LRRC3B: variants seen among roughly 807,000 people sequenced by gnomAD.
LRRC3B encodes the protein leucine-rich repeat-containing protein 3B.
LRRC3B carries 2 observed loss-of-function variants against 12.8 expected under a neutral mutation model. The observed-to-expected ratio is 0.16, with a 90% confidence interval of 0.06 to 0.49. The LOEUF is 0.49. Among genes scored for constraint, LRRC3B ranks in the 20% least tolerant of loss-of-function variants. The pLI is 0.96. For missense variants in LRRC3B, 189 were observed against 319.4 expected (o/e 0.59, Z 3.11); for synonymous variants, 132 against 122.0 (o/e 1.08, Z -0.54).
At chr3:26,698,357 T>A (rs1406317074) in intron 1 of LRRC3B, among the ~76,000 whole-genome samples, 1 of 152,172 alleles carries the variant, frequency 6.6e-6, no homozygotes, top group Non-Finnish European at 1.5e-5. Flanking sequence ...TATTGGCCAA[T>A]TAAAACCAAG....
intron 1 of LRRC3B, among the ~76,000 whole-genome samples, chr3:26,630,905 C>G (rs1430489816): frequency 1.3e-5 from 2 of 152,124 alleles, no homozygotes; most frequent in East Asian, 3.9e-4. Flanking sequence ...AGGTATAAAT[C>G]AGGACAGGCC....
chr3:26,650,089 CTA>C (rs1242595499), intron 1 of LRRC3B, among the ~76,000 whole-genome samples: 2 of 152,176 alleles, frequency 1.3e-5, no homozygotes, highest in South Asian at 2.1e-4. Flanking sequence ...GCCTATATTT[CTA>C]TGTTTTCTCT....
intron 1 of LRRC3B, among the ~76,000 whole-genome samples, chr3:26,685,523 C>CTCTCTCTCTATATATA (rs1200535225): frequency 2.6e-5 from 1 of 38,320 alleles, no homozygotes; most frequent in African/African-American, 1.3e-4. Context: ...CTCTCTCTCT[C>CTCTCTCTCTATATATA]TATATATATA....
At chr3:26,706,756 C>G (rs1322571490) in intron 1 of LRRC3B, among the ~76,000 whole-genome samples, 3 of 152,164 alleles carry the variant, frequency 2.0e-5, no homozygotes, top group Non-Finnish European at 4.4e-5. Context: ...AGGAAGAGTT[C>G]CATTCTTCTT....
intron 1 of LRRC3B, among the ~76,000 whole-genome samples, chr3:26,685,523 CTATATATA>C (rs57407254): frequency 0.051 from 1,936 of 38,094 alleles, 52 homozygotes; most frequent in Middle Eastern, 0.1. Context: ...CTCTCTCTCT[CTATATATA>C]TATATATATA....
intron 1 of LRRC3B, among the ~76,000 whole-genome samples, chr3:26,702,779 C>G (rs974518933): frequency 6.6e-6 from 1 of 151,932 alleles, no homozygotes. Flanking sequence ...TGTTGGAGAT[C>G]TGAATTAGGA....
intron 1 of LRRC3B, among the ~76,000 whole-genome samples, chr3:26,636,452 G>A (rs902320352): frequency 6.6e-6 from 1 of 152,174 alleles, no homozygotes; most frequent in Admixed American, 6.5e-5. Context: ...TCCTCAAGAT[G>A]CTATTCATCT....
At chr3:26,687,012 G>C (rs1243124136) in intron 1 of LRRC3B, among the ~76,000 whole-genome samples, 1 of 152,138 alleles carries the variant, frequency 6.6e-6, no homozygotes, top group Non-Finnish European at 1.5e-5. Context: ...AAAGCTCTCT[G>C]CTGCCAACAC....
At chr3:26,651,174 A>T (rs1699257537) in intron 1 of LRRC3B, among the ~76,000 whole-genome samples, 1 of 152,216 alleles carries the variant, frequency 6.6e-6, no homozygotes, top group Non-Finnish European at 1.5e-5. Context: ...GTTAAAAATG[A>T]CTTACTCTGA....
At position 26,710,332 on chromosome 3, in the gene LRRC3B, T is replaced by TA. The variant is rs768003823; in HGVS notation, c.660_661insA (p.Val221SerfsTer31). 1 of 1,614,046 alleles carries TA rather than the reference T, an allele frequency of 6.2e-7. No homozygotes were observed. The highest frequency in any genetic ancestry group is 8.5e-7 in the Non-Finnish European group (1 of 1,179,994). ...GCTGGTTCACTATGGTGATCTCATATGTGGTATATTATGTGAGGCAAAATC... is the reference window on the plus strand; with the variant it reads ...GCTGGTTCACTATGGTGATCTCATATAGTGGTATATTATGTGAGGCAAAATC... On this transcript the variant is annotated frameshift_variant, in exon 2 of 2. Transcript: ENST00000396641. LOFTEE classifies it high-confidence loss of function.
At chr3:26,691,790 A>G (rs1304219756) in intron 1 of LRRC3B, among the ~76,000 whole-genome samples, 1 of 152,232 alleles carries the variant, frequency 6.6e-6, no homozygotes, top group Non-Finnish European at 1.5e-5. Flanking sequence ...TTTTGCAGAC[A>G]TAATATTGGG....
At chr3:26,701,388 C>T (rs1041787791) in intron 1 of LRRC3B, 2 of 152,140 alleles carry the variant, frequency 1.3e-5, no homozygotes, top group African/African-American at 4.8e-5. Flanking sequence ...CATACCCTCC[C>T]CCCATGTGGC....
intron 1 of LRRC3B, among the ~76,000 whole-genome samples, chr3:26,672,620 C>T (rs531296939): frequency 2.6e-5 from 4 of 152,258 alleles, no homozygotes; most frequent in South Asian, 4.1e-4. Flanking sequence ...TATTGTTAAA[C>T]GTAAAATCTC....
In LRRC3B at chr3:26,673,640, G is replaced by T. The variant is rs149573539; in HGVS notation, c.-160-35873G>T. On this transcript the variant is annotated intron_variant, in intron 1 of 1. Coordinates refer to ENST00000396641, the Ensembl canonical transcript of LRRC3B. ...TGACATAGCATGAAGTGGAAGCAGTGCCCTCCATCTTGCTTCTTGGCTTAG... is the reference window on the plus strand; with the variant it reads ...TGACATAGCATGAAGTGGAAGCAGTTCCCTCCATCTTGCTTCTTGGCTTAG... Among the ~76,000 whole-genome samples, 625 of 152,256 alleles carry T rather than the reference G, an allele frequency of 4.1e-3. 5 individuals are homozygous for T. Among genetic ancestry groups the T allele is most frequent in the Non-Finnish European group, 6.9e-3 (468 of 68,020 alleles).
chr3:26,639,647 C>A (rs1698980083), intron 1 of LRRC3B, among the ~76,000 whole-genome samples: 1 of 152,112 alleles, frequency 6.6e-6, no homozygotes, highest in Non-Finnish European at 1.5e-5. Context: ...ACTGCATGGA[C>A]AGGACAGGTA....
At chr3:26,709,388 A>T in intron 1 of LRRC3B, 125 bp from the exon 2 acceptor site, 1 of 424,782 alleles carries the variant, frequency 2.4e-6, no homozygotes, top group Non-Finnish European at 4.2e-6. Context: ...AGTGGCATTG[A>T]TGGAAATTAC....
intron 1 of LRRC3B, among the ~76,000 whole-genome samples, chr3:26,640,518 TA>T (rs1315435033): frequency 1.3e-5 from 2 of 151,958 alleles, no homozygotes; most frequent in Non-Finnish European, 2.9e-5. Context: ...AAGAATTTGC[TA>T]ATCCCAGCCT....
intron 1 of LRRC3B, among the ~76,000 whole-genome samples, chr3:26,646,598 T>TAAAAAAAAAAAAAAA: frequency 1.0e-5 from 1 of 99,662 alleles, no homozygotes; most frequent in East Asian, 3.8e-4. Context: ...GGATAGGAGG[T>TAAAAAAAAAAAAAAA]AAAAAAAAAA....
chr3:26,639,125 A>G (rs527878915), intron 1 of LRRC3B, among the ~76,000 whole-genome samples: 28 of 152,370 alleles, frequency 1.8e-4, no homozygotes, highest in Admixed American at 5.2e-4. Flanking sequence ...GCACTGTTCA[A>G]TACAAATATA....
Sources: gnomAD v4.1 joint callset for allele counts (sites outside exome capture counted in the v4.1 genomes callset) on GRCh38, gnomAD v4.1.1 for gene constraint, MANE v1.5 for transcripts, NCBI Gene and HGNC (gene_info 2026-07-23, HGNC 2026-07-21) for gene names.